Variants in MGMT observed in about 807,000 individuals in gnomAD.
MGMT encodes the protein O-6-methylguanine-DNA methyltransferase, also known as methylated-DNA--protein-cysteine methyltransferase.
A neutral mutation model predicts 15.9 loss-of-function variants in MGMT; 14 were observed. The observed-to-expected ratio is 0.88, with a 90% CI of 0.58 to 1.37. MGMT has a LOEUF of 1.37. MGMT is among the 40% of genes most tolerant of loss of function. The pLI is 0.00. For missense variants in MGMT, 282 were observed against 268.1 expected (o/e 1.05, Z -0.36); for synonymous variants, 130 against 118.2 (o/e 1.10, Z -0.65).
intron 1 of MGMT, among the ~76,000 whole-genome samples, chr10:129,483,366 T>G (rs1428149656): frequency 6.6e-6 from 1 of 152,152 alleles, no homozygotes; most frequent in Admixed American, 6.5e-5. Flanking sequence ...TCCTCATTCC[T>G]TTGTGTAGAT....
At chr10:129,475,214 G>C (rs993071399) in intron 1 of MGMT, among the ~76,000 whole-genome samples, 4 of 152,076 alleles carry the variant, frequency 2.6e-5, no homozygotes, top group Non-Finnish European at 5.9e-5. Context: ...GTCACGGGGT[G>C]GGGTGGGGAG....
chr10:129,736,539 T>C (rs1848563009), intron 3 of MGMT, among the ~76,000 whole-genome samples: 1 of 148,822 alleles, frequency 6.7e-6, no homozygotes, highest in African/African-American at 2.4e-5. Flanking sequence ...TGTCTTTTAA[T>C]TGGAGCATTT....
chr10:129,558,037 C>A (rs1416404224), intron 2 of MGMT, among the ~76,000 whole-genome samples: 1 of 152,146 alleles, frequency 6.6e-6, no homozygotes, highest in Non-Finnish European at 1.5e-5. Flanking sequence ...GAAGAGGTTT[C>A]CCGGTTTACC....
chr10:129,593,225 G>A (rs374490013), intron 2 of MGMT, among the ~76,000 whole-genome samples: 109 of 152,362 alleles, frequency 7.2e-4, no homozygotes, highest in Middle Eastern at 6.8e-3. Context: ...CAGCTCCTGC[G>A]CAGTGGGCGC....
At chr10:129,641,176 G>A (rs1280209062) in intron 2 of MGMT, among the ~76,000 whole-genome samples, 1 of 152,178 alleles carries the variant, frequency 6.6e-6, no homozygotes, top group African/African-American at 2.4e-5. Context: ...CTATATACTA[G>A]CAATGAATAT....
At chr10:129,747,480 G>A (rs1159155331) in intron 3 of MGMT, among the ~76,000 whole-genome samples, 2 of 152,174 alleles carry the variant, frequency 1.3e-5, no homozygotes, top group Admixed American at 6.5e-5. Context: ...GATAGCTATT[G>A]TTCGTTTTTA....
At chr10:129,661,925 T>C (rs1259573646) in intron 2 of MGMT, among the ~76,000 whole-genome samples, 2 of 152,234 alleles carry the variant, frequency 1.3e-5, no homozygotes, top group African/African-American at 4.8e-5. Context: ...GGCTTCACTG[T>C]CATCTACCCT....
chr10:129,532,695 G>A lies in MGMT; in HGVS notation c.-12-3546G>A, dbSNP rs1262956115. ...ACTCGAGGTGTGGTCTGTGCAGAATGGCGTGACAGCCCTTCCAGCCCGTCA... is the reference window on the plus strand; with the variant it reads ...ACTCGAGGTGTGGTCTGTGCAGAATAGCGTGACAGCCCTTCCAGCCCGTCA... On this transcript the variant is annotated intron_variant, in intron 1 of 4. Coordinates refer to ENST00000651593, the MANE Select transcript of MGMT (RefSeq NM_002412.5). The surrounding 1 kb of genome is among the most constrained non-coding windows in gnomAD (Gnocchi z 5.3). Among the ~76,000 whole-genome samples, 1 of 152,142 alleles carries A rather than the reference G, an allele frequency of 6.6e-6. No individual in the cohort carries two copies. The highest frequency in any genetic ancestry group is 6.5e-5 in the Admixed American group (1 of 15,286).
intron 2 of MGMT, among the ~76,000 whole-genome samples, chr10:129,622,071 T>A (rs960470379): frequency 1.3e-5 from 2 of 152,254 alleles, no homozygotes; most frequent in Non-Finnish European, 2.9e-5. Flanking sequence ...ACTTGCTTAA[T>A]TTCCTCCTGT....
intron 2 of MGMT, among the ~76,000 whole-genome samples, chr10:129,696,308 G>A (rs577097017): frequency 2.6e-5 from 3 of 115,542 alleles, no homozygotes; most frequent in South Asian, 2.8e-4. Flanking sequence ...TCATGAAGTC[G>A]ATTGCATTAT....
chr10:129,552,057 T>C (rs1846163266), intron 2 of MGMT, among the ~76,000 whole-genome samples: 1 of 152,084 alleles, frequency 6.6e-6, no homozygotes, highest in Admixed American at 6.5e-5. Flanking sequence ...AAAGGACAGC[T>C]CTCCTCTCAT....
chr10:129,680,967 T>C (rs1847845513), intron 2 of MGMT, among the ~76,000 whole-genome samples: 2 of 152,198 alleles, frequency 1.3e-5, no homozygotes, highest in African/African-American at 4.8e-5. Flanking sequence ...TGGCAGTCCT[T>C]GTACTGAGAC....
chr10:129,759,329 GA>G lies in MGMT; in HGVS notation c.403del (p.Arg135GlufsTer30). On this transcript the variant is annotated frameshift_variant, in exon 4 of 5. Coordinates refer to ENST00000651593, the MANE Select transcript of MGMT (RefSeq NM_002412.5). LOFTEE classifies it low-confidence loss of function (END_TRUNC). Reference protein sequence around the residue: ...KAARAVGGAMRGNPVPILIPC... With the variant: ...KAARAVGGAMXGNPVPILIPC... ...CCGCGCGAGCAGTGGGAGGAGCAAT[GA>G]GAGGCAATCCTGTGAGTTCTCATGG... is the stretch of plus-strand genomic sequence containing the variant. 1 of 1,614,226 alleles carries G rather than the reference GA, an allele frequency of 6.2e-7. No individual in the cohort carries two copies. Among genetic ancestry groups the G allele is most frequent in the African/African-American group, 1.3e-5 (1 of 75,074 alleles).
intron 2 of MGMT, among the ~76,000 whole-genome samples, chr10:129,604,155 C>T (rs1042465614): frequency 6.6e-6 from 1 of 152,156 alleles, no homozygotes; most frequent in Admixed American, 6.5e-5. Context: ...CTCCATCCTC[C>T]TCCTTGTTTG....
intron 2 of MGMT, chr10:129,563,661 G>A (rs1049246898): frequency 1.3e-5 from 2 of 152,214 alleles, no homozygotes; most frequent in African/African-American, 2.4e-5. Context: ...CAGGGACAGT[G>A]CTGGGAGAGA....
At chr10:129,488,462 T>A (rs1408103585) in intron 1 of MGMT, among the ~76,000 whole-genome samples, 1 of 152,250 alleles carries the variant, frequency 6.6e-6, no homozygotes, top group East Asian at 1.9e-4. Flanking sequence ...TGAATTCTAA[T>A]CCTTTGTCTG....
chr10:129,537,428 C>T (rs1175821341), intron 2 of MGMT, among the ~76,000 whole-genome samples: 1 of 152,170 alleles, frequency 6.6e-6, no homozygotes, highest in Non-Finnish European at 1.5e-5. Context: ...TGAATATACT[C>T]TTTTCAGTTT....
At chr10:129,619,965 A>G (rs1847072661) in intron 2 of MGMT, among the ~76,000 whole-genome samples, 1 of 152,000 alleles carries the variant, frequency 6.6e-6, no homozygotes, top group Non-Finnish European at 1.5e-5. Flanking sequence ...ACTTTCTAAG[A>G]TAGAAGCAGT....
intron 2 of MGMT, among the ~76,000 whole-genome samples, chr10:129,567,628 T>C (rs1366021654): frequency 1.3e-5 from 2 of 152,156 alleles, no homozygotes; most frequent in African/African-American, 4.8e-5. Context: ...TACAGTATCT[T>C]AGTAGTAATA....
Sources: allele counts gnomAD v4.1 joint callset (sites outside exome capture counted in the v4.1 genomes callset), GRCh38; gene constraint gnomAD v4.1.1; non-coding constraint Gnocchi (gnomAD v3.1); transcripts MANE v1.5; gene names NCBI Gene and HGNC (gene_info 2026-07-23, HGNC 2026-07-21).